The following WDR64 variants were observed in gnomAD, a reference collection of about 807,000 sequenced individuals.
The protein encoded by WDR64 is WD repeat-containing protein 64.
In WDR64, 112 loss-of-function variants were observed where a neutral mutation model predicts 139.3. The observed-to-expected ratio is 0.80, with a 90% CI of 0.69 to 0.94. The LOEUF is 0.94. Ranked by LOEUF, WDR64 falls within the 40% of genes least tolerant of loss-of-function variation. The pLI is 0.00. For missense variants in WDR64, 1,206 were observed against 1,293.1 expected, an observed-to-expected ratio of 0.93 and a Z score of 1.03; for synonymous variants, 444 against 437.7, an observed-to-expected ratio of 1.01 and a Z score of -0.18.
intron 22 of WDR64, among the ~76,000 whole-genome samples, chr1:241,780,357 G>C (rs1658801792): frequency 6.6e-6 from 1 of 152,110 alleles, no homozygotes; most frequent in Admixed American, 6.6e-5. Context: ...AAAGTTCATA[G>C]ATTATACAGT....
intron 20 of WDR64, among the ~76,000 whole-genome samples, chr1:241,774,801 G>A (rs1558519972): frequency 6.6e-6 from 1 of 152,078 alleles, no homozygotes; most frequent in Non-Finnish European, 1.5e-5. Flanking sequence ...AAAGTCTGAG[G>A]AATTGCATGA....
At chr1:241,676,688 A>C (rs1274664850) in intron 4 of WDR64, among the ~76,000 whole-genome samples, 2 of 152,098 alleles carry the variant, frequency 1.3e-5, no homozygotes. Flanking sequence ...ACGTGCAAAC[A>C]CATATGTTTT....
intron 1 of WDR64, among the ~76,000 whole-genome samples, chr1:241,652,839 T>C (rs74674131): frequency 6.6e-6 from 1 of 152,152 alleles, no homozygotes; most frequent in Non-Finnish European, 1.5e-5. Flanking sequence ...GTTTTTGTTT[T>C]TTTTTTTTAC....
intron 25 of WDR64, among the ~76,000 whole-genome samples, chr1:241,794,332 TAG>T (rs1286802006): frequency 1.3e-5 from 2 of 152,070 alleles, no homozygotes; most frequent in Non-Finnish European, 2.9e-5. Context: ...TAGTACAACC[TAG>T]AAATAAAGAT....
At chr1:241,673,818 G>A (rs1666343879) in intron 3 of WDR64, among the ~76,000 whole-genome samples, 2 of 152,060 alleles carry the variant, frequency 1.3e-5, no homozygotes, top group Admixed American at 1.3e-4. Context: ...AAAGTGTCTA[G>A]CTAGTCTTTT....
chr1:241,743,281 G>A (rs756972966), intron 12 of WDR64, among the ~76,000 whole-genome samples: 36 of 152,114 alleles, frequency 2.4e-4, no homozygotes, highest in Non-Finnish European at 3.8e-4. Flanking sequence ...CACACTGCAG[G>A]CCAGGAGATG....
At position 241,801,316 on chromosome 1, in the gene WDR64, C is replaced by T. The variant is rs1247910061; in HGVS notation, c.*101C>T. 9.7e-7 allele frequency: 1 copy of T among 1,034,992 alleles called. No homozygotes were observed. The highest frequency in any genetic ancestry group is 1.5e-6 in the Non-Finnish European group (1 of 679,736). The allele number at this position is 1,034,992 out of a possible 1,614,324, so 64.1% of individuals were successfully genotyped here. ...AGAGGGAGAAACCACCAGACACTATCAGTCATCTCTGGTGTCAGGCCATCC... is the reference window on the plus strand; with the variant it reads ...AGAGGGAGAAACCACCAGACACTATTAGTCATCTCTGGTGTCAGGCCATCC... On this transcript the variant is annotated 3_prime_UTR_variant, in exon 28 of 28. Transcript: ENST00000437684.
At chr1:241,665,628 C>T (rs1558460815) in intron 2 of WDR64, among the ~76,000 whole-genome samples, 1 of 152,094 alleles carries the variant, frequency 6.6e-6, no homozygotes, top group Non-Finnish European at 1.5e-5. Context: ...TAAACATTAT[C>T]TAGACCTGCT....
At chr1:241,790,753 T>C in intron 25 of WDR64, 57 bp downstream of exon 25, 1 of 1,336,284 alleles carries the variant, frequency 7.5e-7, no homozygotes, top group East Asian at 2.3e-5. Context: ...CCTTTGCTTT[T>C]GTTTTTCTGA....
At chr1:241,737,584 C>T (rs751479039) in intron 10 of WDR64, among the ~76,000 whole-genome samples, 9 of 152,100 alleles carry the variant, frequency 5.9e-5, no homozygotes, top group Non-Finnish European at 1.0e-4. Context: ...GCTTCTACAA[C>T]TGAAGAAATG....
chr1:241,725,840 T>C (rs1273582181), intron 10 of WDR64, among the ~76,000 whole-genome samples: 3 of 151,936 alleles, frequency 2.0e-5, no homozygotes, highest in Admixed American at 2.0e-4. Flanking sequence ...AAACTCTCAA[T>C]TTTTTGAGAC....
At chr1:241,685,586 A>G (rs1350362007) in intron 7 of WDR64, among the ~76,000 whole-genome samples, 2 of 152,182 alleles carry the variant, frequency 1.3e-5, no homozygotes, top group African/African-American at 2.4e-5. Flanking sequence ...CCTTATAAAG[A>G]CATTAAAAAA....
chr1:241,704,217 A>T (rs1039441832), intron 8 of WDR64, among the ~76,000 whole-genome samples: 1 of 151,978 alleles, frequency 6.6e-6, no homozygotes, highest in Non-Finnish European at 1.5e-5. Context: ...TCCCAACCTC[A>T]CCCCTGCCAT....
intron 15 of WDR64, among the ~76,000 whole-genome samples, chr1:241,764,717 G>T (rs1201326479): frequency 6.6e-6 from 1 of 152,048 alleles, no homozygotes; most frequent in Non-Finnish European, 1.5e-5. Context: ...CAATGGAGAT[G>T]GTGCAGAAGA....
intron 8 of WDR64, among the ~76,000 whole-genome samples, chr1:241,701,823 A>G (rs1487404633): frequency 2.6e-4 from 39 of 152,196 alleles, no homozygotes; most frequent in Non-Finnish European, 1.3e-4. Flanking sequence ...TAGACTGAGA[A>G]TTGGGTCCAT....
intron 20 of WDR64, 109 bp from the exon 21 acceptor site, chr1:241,774,996 A>C: frequency 1.2e-6 from 1 of 820,512 alleles, no homozygotes; most frequent in South Asian, 1.8e-5. Context: ...TCAGTAGTAG[A>C]GATAATTCTT....
At chr1:241,747,449 C>T (rs898932114) in intron 13 of WDR64, among the ~76,000 whole-genome samples, 4 of 152,154 alleles carry the variant, frequency 2.6e-5, no homozygotes, top group African/African-American at 9.7e-5. Context: ...ATTTTTGCAA[C>T]TTTCTGTTTC....
intron 19 of WDR64, 111 bp downstream of exon 19, chr1:241,771,808 C>A: frequency 8.2e-6 from 4 of 488,948 alleles, no homozygotes; most frequent in Non-Finnish European, 1.2e-5. Context: ...TATATAAATT[C>A]ATTATATATA....
At chr1:241,716,780 C>T (rs1668420740) in intron 9 of WDR64, among the ~76,000 whole-genome samples, 1 of 152,114 alleles carries the variant, frequency 6.6e-6, no homozygotes, top group African/African-American at 2.4e-5. Flanking sequence ...CATATGATTC[C>T]ATTCCAAGCA....
Sources: allele counts gnomAD v4.1 joint callset (sites outside exome capture counted in the v4.1 genomes callset), GRCh38; gene constraint gnomAD v4.1.1; transcripts MANE v1.5; gene names NCBI Gene and HGNC (gene_info 2026-07-23, HGNC 2026-07-21).